The following CADM1 variants were observed in gnomAD, a reference collection of about 807,000 sequenced individuals.
CADM1 encodes the protein cell adhesion molecule 1.
CADM1 carries 15 observed loss-of-function variants against 53.1 expected under a neutral mutation model. The observed-to-expected ratio is 0.28, with a 90% CI of 0.19 to 0.44. The LOEUF is 0.44. CADM1 is among the 20% of genes least tolerant of loss of function. The pLI is 1.00. For missense variants in CADM1, 434 were observed against 611.3 expected (o/e 0.71, Z 3.06); for synonymous variants, 281 against 243.0 (o/e 1.16, Z -1.45).
chr11:115,217,846 A>G, intron 6 of CADM1, 46 bp downstream of exon 6: 2 of 1,188,194 alleles, frequency 1.7e-6, no homozygotes, highest in Non-Finnish European at 2.5e-6. Context: ...GTGTTGTGAC[A>G]TTTACTGCGC....
intron 10 of CADM1, among the ~76,000 whole-genome samples, chr11:115,182,788 G>C (rs12807135): frequency 0.42 from 64,306 of 152,052 alleles, 14,673 homozygotes; most frequent in Non-Finnish European, 0.52. Flanking sequence ...CCTGCCTGTC[G>C]TGTCCCATCC....
chr11:115,456,082 C>T (rs1181302946), intron 1 of CADM1, among the ~76,000 whole-genome samples: 1 of 152,068 alleles, frequency 6.6e-6, no homozygotes, highest in Non-Finnish European at 1.5e-5. Context: ...GTAAAGGAGC[C>T]ATAATCTTAA....
rs1949810218 is a variant in CADM1 at position 115,504,400 on chromosome 11, G to A, written c.-6C>T. ...GGCAGCACTACACTCGCCATGTCGGGCACCTGCCTCAGACTGGCGGCGTTG... is the reference window on the plus strand; with the variant it reads ...GGCAGCACTACACTCGCCATGTCGGACACCTGCCTCAGACTGGCGGCGTTG... On this transcript the variant is annotated 5_prime_UTR_variant, in exon 1 of 12. Coordinates refer to ENST00000331581, the MANE Select transcript of CADM1 (RefSeq NM_001301043.2). 3 of 1,544,814 alleles carry A rather than the reference G, an allele frequency of 1.9e-6. No individual in the cohort carries two copies. Among genetic ancestry groups the A allele is most frequent in the African/African-American group, 2.7e-5 (2 of 72,944 alleles).
At chr11:115,348,048 A>G (rs1007550363) in intron 1 of CADM1, among the ~76,000 whole-genome samples, 2 of 152,184 alleles carry the variant, frequency 1.3e-5, no homozygotes, top group Admixed American at 1.3e-4. Flanking sequence ...CAGATTATTC[A>G]TTTTTGGAAG....
intron 1 of CADM1, among the ~76,000 whole-genome samples, chr11:115,384,111 A>T (rs992930485): frequency 2.6e-5 from 4 of 152,204 alleles, no homozygotes; most frequent in African/African-American, 9.6e-5. Context: ...GACAGAATTG[A>T]CTAAGCAGTC....
chr11:115,488,408 G>A (rs1234823508), intron 1 of CADM1, among the ~76,000 whole-genome samples: 5 of 152,184 alleles, frequency 3.3e-5, no homozygotes, highest in Non-Finnish European at 7.3e-5. Flanking sequence ...GGAAGTTAGA[G>A]TTATTGAGTA....
intron 1 of CADM1, among the ~76,000 whole-genome samples, chr11:115,475,312 T>C (rs1949107138): frequency 6.6e-6 from 1 of 152,206 alleles, no homozygotes; most frequent in Admixed American, 6.5e-5. Flanking sequence ...AGAATTTTTA[T>C]TTTTTCAAAT....
chr11:115,340,829 T>C, intron 1 of CADM1, among the ~76,000 whole-genome samples: 1 of 150,268 alleles, frequency 6.7e-6, no homozygotes, highest in East Asian at 2.0e-4. Context: ...CCCAGCTAAT[T>C]TTTGTATTTT....
At chr11:115,299,155 C>T (rs1310676664) in intron 1 of CADM1, among the ~76,000 whole-genome samples, 1 of 152,170 alleles carries the variant, frequency 6.6e-6, no homozygotes, top group Admixed American at 6.6e-5. Flanking sequence ...GCCTGACTGC[C>T]CGTGAAGTTC....
intron 1 of CADM1, among the ~76,000 whole-genome samples, chr11:115,443,847 A>G (rs1948386079): frequency 6.6e-6 from 1 of 152,228 alleles, no homozygotes; most frequent in Admixed American, 6.5e-5. Flanking sequence ...CCGGCAAATT[A>G]CAACATGACC....
chr11:115,488,393 T>A (rs534793386), intron 1 of CADM1, among the ~76,000 whole-genome samples: 1 of 152,142 alleles, frequency 6.6e-6, no homozygotes, highest in Non-Finnish European at 1.5e-5. Context: ...CTCCCAATAA[T>A]GTCAGGAAGT....
intron 3 of CADM1, among the ~76,000 whole-genome samples, chr11:115,236,344 A>T (rs1264718506): frequency 6.6e-6 from 1 of 152,222 alleles, no homozygotes; most frequent in Non-Finnish European, 1.5e-5. Context: ...GGACTCAAAC[A>T]CTGATGACAA....
At chr11:115,349,689 C>T (rs1446964131) in intron 1 of CADM1, among the ~76,000 whole-genome samples, 1 of 152,182 alleles carries the variant, frequency 6.6e-6, no homozygotes. Context: ...ATAGCAAAAA[C>T]TTGTCATCTT....
chr11:115,240,566 T>A, intron 1 of CADM1, 146 bp from the exon 2 acceptor site: 1 of 826,232 alleles, frequency 1.2e-6, no homozygotes, highest in Non-Finnish European at 2.0e-6. Flanking sequence ...TTCTTTGTAG[T>A]CTACAAAACG....
intron 1 of CADM1, among the ~76,000 whole-genome samples, chr11:115,476,885 A>C (rs770656854): frequency 6.6e-6 from 1 of 152,240 alleles, no homozygotes; most frequent in Non-Finnish European, 1.5e-5. Flanking sequence ...GACAGATGAC[A>C]CTCAAGAAAT....
chr11:115,249,822 T>TG (rs1942532214), intron 1 of CADM1, among the ~76,000 whole-genome samples: 1 of 152,166 alleles, frequency 6.6e-6, no homozygotes, highest in African/African-American at 2.4e-5. Context: ...GACCCTACTG[T>TG]GGTCTCTTCT....
At chr11:115,355,855 G>A (rs1471290701) in intron 1 of CADM1, among the ~76,000 whole-genome samples, 3 of 151,942 alleles carry the variant, frequency 2.0e-5, no homozygotes, top group Admixed American at 2.0e-4. Flanking sequence ...TTTTTGAGAC[G>A]GAGTCTCGCC....
chr11:115,495,753 G>T (rs1340782397), intron 1 of CADM1, among the ~76,000 whole-genome samples: 3 of 152,170 alleles, frequency 2.0e-5, no homozygotes, highest in Non-Finnish European at 4.4e-5. Context: ...GGGTTTTAAA[G>T]CACTTCCCTT....
At chr11:115,254,221 T>C (rs1161355194) in intron 1 of CADM1, among the ~76,000 whole-genome samples, 1 of 152,202 alleles carries the variant, frequency 6.6e-6, no homozygotes, top group African/African-American at 2.4e-5. Context: ...AAATGTTTAT[T>C]GAATAAAATT....
Sources: allele counts gnomAD v4.1 joint callset (sites outside exome capture counted in the v4.1 genomes callset), GRCh38; gene constraint gnomAD v4.1.1; transcripts MANE v1.5; gene names NCBI Gene and HGNC (gene_info 2026-07-23, HGNC 2026-07-21).